Variants in BRINP1 observed in about 807,000 individuals in gnomAD.
The protein encoded by BRINP1 is BMP/retinoic acid-inducible neural-specific protein 1.
A neutral mutation model predicts 72.9 loss-of-function variants in BRINP1; 17 were observed. The ratio of observed to expected loss-of-function variants is 0.23; its 90% CI spans 0.16 to 0.35. The LOEUF is 0.35. BRINP1 is among the 10% of genes least tolerant of loss of function. The probability of loss-of-function intolerance (pLI) is 1.00; values close to 1 mark genes in which losing one functional copy is unlikely to be tolerated. For missense variants in BRINP1, 850 were observed against 1,001.6 expected (o/e 0.85, Z 2.04); for synonymous variants, 418 against 378.5 (o/e 1.10, Z -1.21).
At chr9:119,334,962 G>T in intron 1 of BRINP1, among the ~76,000 whole-genome samples, 1 of 152,150 alleles carries the variant, frequency 6.6e-6, no homozygotes, top group East Asian at 1.9e-4. Context: ...CTTCCAAACA[G>T]AAAATGGCTT....
intron 2 of BRINP1, among the ~76,000 whole-genome samples, chr9:119,254,541 A>G (rs1293235797): frequency 6.6e-6 from 1 of 152,234 alleles, no homozygotes; most frequent in Non-Finnish European, 1.5e-5. Flanking sequence ...GGGAAGAAAA[A>G]TAATATCAAA....
intron 2 of BRINP1, among the ~76,000 whole-genome samples, chr9:119,287,345 T>C (rs1158476231): frequency 6.6e-6 from 1 of 152,234 alleles, no homozygotes; most frequent in Non-Finnish European, 1.5e-5. Context: ...CATACTCTCC[T>C]GGGAGTAGAC....
intron 1 of BRINP1, among the ~76,000 whole-genome samples, chr9:119,357,215 T>A (rs566605074): frequency 1.1e-4 from 17 of 152,204 alleles, no homozygotes; most frequent in Non-Finnish European, 2.2e-4. Context: ...CTCAACCATG[T>A]TCAATATTCC....
At chr9:119,211,187 TATTTA>T (rs1829923226) in intron 6 of BRINP1, among the ~76,000 whole-genome samples, 1 of 151,442 alleles carries the variant, frequency 6.6e-6, no homozygotes, top group South Asian at 2.1e-4. Context: ...TTTATTTATT[TATTTA>T]TTTATTTATT....
chr9:119,313,089 C>T (rs1402407045), intron 2 of BRINP1, 49 bp downstream of exon 2: 1 of 1,579,728 alleles, frequency 6.3e-7, no homozygotes, highest in East Asian at 2.3e-5. Context: ...CCTGACTCCA[C>T]AAAGCATAAT....
At chr9:119,325,314 C>T (rs1346342983) in intron 1 of BRINP1, among the ~76,000 whole-genome samples, 2 of 152,178 alleles carry the variant, frequency 1.3e-5, no homozygotes, top group East Asian at 3.9e-4. Flanking sequence ...CTCAAACTTT[C>T]CTGTCTCCCA....
intron 2 of BRINP1, among the ~76,000 whole-genome samples, chr9:119,251,746 T>A (rs981425929): frequency 6.6e-6 from 1 of 151,942 alleles, no homozygotes; most frequent in Admixed American, 6.6e-5. Flanking sequence ...AACAAGTAGT[T>A]GATGGGATGT....
chr9:119,195,056 T>C (rs1315292876), intron 7 of BRINP1, among the ~76,000 whole-genome samples: 2 of 152,222 alleles, frequency 1.3e-5, no homozygotes, highest in African/African-American at 2.4e-5. Flanking sequence ...CAAAATTTTA[T>C]GATTTCATAA....
chr9:119,328,076 A>C (rs904950609), intron 1 of BRINP1, among the ~76,000 whole-genome samples: 1 of 152,282 alleles, frequency 6.6e-6, no homozygotes, highest in Admixed American at 6.5e-5. Flanking sequence ...GTCAGCATGA[A>C]GAGGAAGAGA....
chr9:119,243,493 G>C (rs918882659), intron 3 of BRINP1, among the ~76,000 whole-genome samples: 1 of 152,098 alleles, frequency 6.6e-6, no homozygotes, highest in Non-Finnish European at 1.5e-5. Context: ...TTGCTATTGT[G>C]AATAGTGCTG....
At chr9:119,272,275 G>A (rs1830615426) in intron 2 of BRINP1, among the ~76,000 whole-genome samples, 1 of 151,936 alleles carries the variant, frequency 6.6e-6, no homozygotes, top group South Asian at 2.1e-4. Flanking sequence ...TAGAGATGGG[G>A]TTTCACCATT....
At chr9:119,237,754 T>TA (rs1293968368) in intron 5 of BRINP1, among the ~76,000 whole-genome samples, 1 of 152,082 alleles carries the variant, frequency 6.6e-6, no homozygotes, top group Non-Finnish European at 1.5e-5. Flanking sequence ...TTCGGCCTCC[T>TA]GGGTTCAAAC....
intron 2 of BRINP1, among the ~76,000 whole-genome samples, chr9:119,304,035 G>A (rs1311828692): frequency 1.3e-5 from 2 of 151,484 alleles, no homozygotes; most frequent in African/African-American, 2.4e-5. Flanking sequence ...GCCCACCACC[G>A]TGCCTGCCTA....
intron 2 of BRINP1, among the ~76,000 whole-genome samples, chr9:119,307,514 T>G (rs1831011207): frequency 6.6e-6 from 1 of 152,158 alleles, no homozygotes; most frequent in African/African-American, 2.4e-5. Context: ...ATGAGAAAAC[T>G]GAAGCTGATA....
chr9:119,267,601 A>T (rs532834688), intron 2 of BRINP1, among the ~76,000 whole-genome samples: 222 of 152,016 alleles, frequency 1.5e-3, no homozygotes, highest in African/African-American at 5.2e-3. Flanking sequence ...ACACCATTGC[A>T]CTCTACCCTG....
chr9:119,206,090 C>G (rs1280688859), intron 7 of BRINP1, among the ~76,000 whole-genome samples: 1 of 152,058 alleles, frequency 6.6e-6, no homozygotes, highest in African/African-American at 2.4e-5. Flanking sequence ...TTTAGGTCAG[C>G]TCTAATCCAA....
chr9:119,342,109 G>A (rs1344570129), intron 1 of BRINP1, among the ~76,000 whole-genome samples: 1 of 152,072 alleles, frequency 6.6e-6, no homozygotes, highest in Non-Finnish European at 1.5e-5. Flanking sequence ...ATAAAGATCA[G>A]AGACTTGGAT....
chr9:119,258,567 T>A (rs938622768), intron 2 of BRINP1, among the ~76,000 whole-genome samples: 6 of 152,178 alleles, frequency 3.9e-5, no homozygotes, highest in African/African-American at 1.4e-4. Flanking sequence ...AGAGGGACTT[T>A]AGGCACTCAC....
chr9:119,328,394 A>G (rs977400047), intron 1 of BRINP1, among the ~76,000 whole-genome samples: 2 of 152,234 alleles, frequency 1.3e-5, no homozygotes, highest in African/African-American at 4.8e-5. Flanking sequence ...AAAAAGCAGA[A>G]GAGCAAATGG....
Sources: allele counts gnomAD v4.1 joint callset (sites outside exome capture counted in the v4.1 genomes callset), GRCh38; gene constraint gnomAD v4.1.1; transcripts MANE v1.5; gene names NCBI Gene and HGNC (gene_info 2026-07-23, HGNC 2026-07-21).